The following THSD7A variants were observed in gnomAD, a reference collection of about 807,000 sequenced individuals.
THSD7A encodes the protein thrombospondin type 1 domain containing 7A.
Under a neutral mutation model 231.3 loss-of-function variants are expected in THSD7A, and 96 were observed. The ratio of observed to expected loss-of-function variants is 0.41; its 90% CI spans 0.35 to 0.49. THSD7A has a LOEUF of 0.49. THSD7A is among the 20% of genes least tolerant of loss of function. The pLI, the probability that THSD7A is intolerant of heterozygous loss-of-function variation, is 0.05. For synonymous variants in THSD7A, 940 were observed against 743.3 expected, an observed-to-expected ratio of 1.26 and a Z score of -4.30; for missense variants, 2,290 against 2,070.2, an observed-to-expected ratio of 1.11 and a Z score of -2.06.
intron 1 of THSD7A, among the ~76,000 whole-genome samples, chr7:11,681,114 C>A (rs4598151): frequency 6.6e-6 from 1 of 151,830 alleles, no homozygotes; most frequent in East Asian, 1.9e-4. Context: ...GAAACCCAAA[C>A]GCTGCATCTT....
intron 1 of THSD7A, among the ~76,000 whole-genome samples, chr7:11,798,839 T>C (rs1784199887): frequency 6.6e-6 from 1 of 152,226 alleles, no homozygotes; most frequent in East Asian, 1.9e-4. Flanking sequence ...CTAAACATTT[T>C]AGCAAGTAAT....
chr7:11,462,360 T>C (rs976759195), intron 9 of THSD7A, among the ~76,000 whole-genome samples: 2 of 152,192 alleles, frequency 1.3e-5, no homozygotes, highest in African/African-American at 4.8e-5. Flanking sequence ...ATGTGAAGAA[T>C]GGAGAAAACA....
At chr7:11,722,538 C>T (rs193162824) in intron 1 of THSD7A, among the ~76,000 whole-genome samples, 1 of 151,948 alleles carries the variant, frequency 6.6e-6, no homozygotes, top group East Asian at 2.0e-4. Flanking sequence ...GCTGACTTAG[C>T]ACATGAAGAC....
At chr7:11,458,316 T>C (rs1006267402) in intron 11 of THSD7A, among the ~76,000 whole-genome samples, 3 of 152,092 alleles carry the variant, frequency 2.0e-5, no homozygotes, top group African/African-American at 7.2e-5. Context: ...AAATTTTGTC[T>C]TCTTGCAATT....
chr7:11,576,661 G>T (rs567008994), intron 4 of THSD7A, among the ~76,000 whole-genome samples: 4 of 152,270 alleles, frequency 2.6e-5, no homozygotes, highest in African/African-American at 9.6e-5. Context: ...TACAAAAATA[G>T]CAATATCATA....
At chr7:11,459,680 T>A (rs1163535037) in intron 11 of THSD7A, among the ~76,000 whole-genome samples, 1 of 141,120 alleles carries the variant, frequency 7.1e-6, no homozygotes, top group Non-Finnish European at 1.5e-5. Context: ...TTTTTTTTTT[T>A]TTTTTTTTTT....
intron 6 of THSD7A, among the ~76,000 whole-genome samples, chr7:11,508,715 A>G (rs1360569475): frequency 6.6e-6 from 1 of 152,350 alleles, no homozygotes; most frequent in East Asian, 1.9e-4. Flanking sequence ...TTATGAATGG[A>G]TAAAGAAAAT....
At chr7:11,457,985 A>G (rs536247892) in intron 11 of THSD7A, among the ~76,000 whole-genome samples, 3 of 152,248 alleles carry the variant, frequency 2.0e-5, no homozygotes, top group Admixed American at 1.3e-4. Flanking sequence ...CCTAAAAAAT[A>G]TAAGCTCTCT....
intron 2 of THSD7A, among the ~76,000 whole-genome samples, chr7:11,604,061 AGAT>A (rs1207681292): frequency 6.6e-6 from 1 of 152,104 alleles, no homozygotes; most frequent in African/African-American, 2.4e-5. Context: ...AAGATTCTCA[AGAT>A]GATGATAACA....
chr7:11,483,524 T>C (rs1562646877), intron 6 of THSD7A, among the ~76,000 whole-genome samples: 1 of 152,184 alleles, frequency 6.6e-6, no homozygotes, highest in Non-Finnish European at 1.5e-5. Context: ...GGTTTTGGCA[T>C]GTATCCCAAT....
chr7:11,547,622 CA>C (rs964549518), intron 4 of THSD7A, among the ~76,000 whole-genome samples: 7 of 152,042 alleles, frequency 4.6e-5, no homozygotes, highest in East Asian at 3.9e-4. Context: ...TTAACAAATT[CA>C]AAAAAATAAA....
intron 3 of THSD7A, among the ~76,000 whole-genome samples, chr7:11,592,001 T>A (rs981444906): frequency 1.3e-5 from 2 of 152,224 alleles, no homozygotes; most frequent in African/African-American, 4.8e-5. Context: ...ATTTTGTTAA[T>A]TGTGTTTGAA....
intron 1 of THSD7A, among the ~76,000 whole-genome samples, chr7:11,744,078 G>A (rs746889179): frequency 6.6e-6 from 1 of 151,806 alleles, no homozygotes; most frequent in Non-Finnish European, 1.5e-5. Context: ...GAGATGCCCT[G>A]ATTTTTAAGG....
intron 6 of THSD7A, among the ~76,000 whole-genome samples, chr7:11,507,824 G>A (rs1039367331): frequency 6.6e-6 from 1 of 152,100 alleles, no homozygotes; most frequent in Non-Finnish European, 1.5e-5. Flanking sequence ...CCATACATCT[G>A]ATAAAAGCTT....
intron 6 of THSD7A, among the ~76,000 whole-genome samples, chr7:11,525,369 G>A (rs1367505930): frequency 1.3e-5 from 2 of 152,066 alleles, no homozygotes; most frequent in African/African-American, 2.4e-5. Context: ...GAAAATAAAT[G>A]AAGATCAGTT....
intron 1 of THSD7A, among the ~76,000 whole-genome samples, chr7:11,787,620 G>T (rs761020754): frequency 1.3e-5 from 2 of 152,006 alleles, no homozygotes; most frequent in African/African-American, 4.8e-5. Context: ...CTACACCAAA[G>T]AAAATATACA....
At chr7:11,538,907 A>T (rs1056988903) in intron 6 of THSD7A, among the ~76,000 whole-genome samples, 7 of 152,210 alleles carry the variant, frequency 4.6e-5, no homozygotes, top group African/African-American at 1.7e-4. Flanking sequence ...AATATTTCAG[A>T]AAACAAATAG....
chr7:11,421,000 C>G (rs924302362), intron 16 of THSD7A, among the ~76,000 whole-genome samples: 2 of 152,170 alleles, frequency 1.3e-5, no homozygotes, highest in African/African-American at 4.8e-5. Flanking sequence ...AAGTAACTAA[C>G]TTGCTTTAGA....
At chr7:11,705,431 A>C (rs867303345) in intron 1 of THSD7A, among the ~76,000 whole-genome samples, 1 of 150,954 alleles carries the variant, frequency 6.6e-6, no homozygotes, top group African/African-American at 2.4e-5. Flanking sequence ...CTGGAAGTTG[A>C]CTCAGTAATA....
Sources: gnomAD v4.1 joint callset for allele counts (sites outside exome capture counted in the v4.1 genomes callset) on GRCh38, gnomAD v4.1.1 for gene constraint, MANE v1.5 for transcripts, NCBI Gene and HGNC (gene_info 2026-07-23, HGNC 2026-07-21) for gene names.